The following BBS4 variants were observed in gnomAD, a reference collection of about 807,000 sequenced individuals.
BBS4 encodes BBSome complex member BBS4.
In BBS4, 58 loss-of-function variants were observed where a neutral mutation model predicts 71.4. The ratio of observed to expected loss-of-function variants is 0.81; its 90% CI spans 0.66 to 1.01. The LOEUF (loss-of-function observed/expected upper bound fraction) is 1.01, where lower values mean the gene tolerates loss of function less well. Ranked by LOEUF, BBS4 falls within the 50% of genes least tolerant of loss-of-function variation. The pLI is 0.00. For missense variants in BBS4, 660 were observed against 607.9 expected, an observed-to-expected ratio of 1.09 and a Z score of -0.90; for synonymous variants, 228 against 216.8, an observed-to-expected ratio of 1.05 and a Z score of -0.46.
chr15:72,724,540 T>C lies in BBS4; in HGVS notation c.472T>C (p.Leu158=), dbSNP rs1301518358. The C allele has an allele frequency of 2.5e-6, 4 of 1,613,930 alleles. No homozygotes were observed. The highest frequency in any genetic ancestry group is 1.7e-5 in the Admixed American group (1 of 60,004). ...LKQFNKAQDQ[L]HNALNLNRHD... ...TTAAACTTGTCAGGCACAAGACCAGTTGCACAATGCCCTGAATCTTAATAG... is the reference window on the plus strand; with the variant it reads ...TTAAACTTGTCAGGCACAAGACCAGCTGCACAATGCCCTGAATCTTAATAG... The change falls in exon 8 of 16, where the codon TTG becomes CTG. Residue 158 remains leucine (L), a synonymous_variant. Coordinates refer to ENST00000268057, the MANE Select transcript of BBS4 (RefSeq NM_033028.5).
At position 72,735,849 on chromosome 15, in the gene BBS4, C is replaced by A; in HGVS notation, c.1131C>A (p.Asn377Lys). The change falls in exon 14 of 16, where the codon AAC (asparagine) becomes AAA (lysine). Residue 377 changes from asparagine to lysine, a missense_variant. Transcript: ENST00000268057. ...GGTGTAACCCTTTAGTAAACCTGAA[C>A]TATGCTGTGCTGCTGTACAACCAGG... ...LDKCNPLVNL[N>K]YAVLLYNQGE... The A allele has an allele frequency of 6.2e-7, 1 of 1,614,178 alleles. No individual in the cohort carries two copies. Among genetic ancestry groups the A allele is most frequent in the Middle Eastern group, 1.6e-4 (1 of 6,062 alleles).
intron 10 of BBS4, among the ~76,000 whole-genome samples, 191 bp downstream of exon 10, chr15:72,729,875 G>A (rs1413167658): frequency 6.6e-6 from 1 of 152,184 alleles, no homozygotes; most frequent in East Asian, 1.9e-4. Flanking sequence ...TTCTAAAAGT[G>A]CACATTTGTT....
At chr15:72,726,115 C>T (rs1745407068) in intron 8 of BBS4, among the ~76,000 whole-genome samples, 1 of 134,164 alleles carries the variant, frequency 7.5e-6, no homozygotes, top group East Asian at 2.0e-4. Context: ...TCCTTTCTTT[C>T]CTTCCTTTCA....
chr15:72,702,004 AT>A (rs773147738), intron 2 of BBS4, among the ~76,000 whole-genome samples: 333 of 141,844 alleles, frequency 2.3e-3, no homozygotes, highest in Middle Eastern at 3.6e-3. Flanking sequence ...GGCCCAGCTA[AT>A]TTTTTTTTTT....
chr15:72,717,199 T>C (rs1210452809), intron 6 of BBS4: 2 of 257,226 alleles, frequency 7.8e-6, no homozygotes, highest in African/African-American at 4.6e-5. Flanking sequence ...CCCATCTGTG[T>C]GACATTCAAT....
chr15:72,708,281 T>C (rs997247029), intron 2 of BBS4, among the ~76,000 whole-genome samples: 1 of 152,180 alleles, frequency 6.6e-6, no homozygotes, highest in Non-Finnish European at 1.5e-5. Context: ...TGATATTAAC[T>C]ATCTTATATG....
rs1445379124 is a variant in BBS4 at position 72,724,522 on chromosome 15, T to C, written c.460-6T>C. ...TTGGTTTTCTTTATTTTGTTAAACT[T>C]GTCAGGCACAAGACCAGTTGCACAA... On this transcript the variant is annotated splice_region_variant and splice_polypyrimidine_tract_variant and intron_variant, in intron 7 of 15. Coordinates refer to ENST00000268057, the MANE Select transcript of BBS4 (RefSeq NM_033028.5). 1.9e-6 allele frequency: 3 copies of C among 1,613,714 alleles called. No individual in the cohort carries two copies. Among genetic ancestry groups the C allele is most frequent in the Non-Finnish European group, 2.5e-6 (3 of 1,179,800 alleles).
At chr15:72,709,528 A>T (rs964134929) in intron 2 of BBS4, among the ~76,000 whole-genome samples, 172 bp from the exon 3 acceptor site, 1 of 152,060 alleles carries the variant, frequency 6.6e-6, no homozygotes, top group Non-Finnish European at 1.5e-5. Context: ...CAAGTATCTT[A>T]GTTTAATAGT....
chr15:72,709,663 G>C, intron 2 of BBS4, 37 bp from the exon 3 acceptor site: 1 of 1,453,662 alleles, frequency 6.9e-7, no homozygotes, highest in African/African-American at 1.4e-5. Context: ...AAAATCTAAT[G>C]ACTGTGTTGT....
intron 7 of BBS4, among the ~76,000 whole-genome samples, 187 bp from the exon 8 acceptor site, chr15:72,724,341 T>C (rs1024438834): frequency 1.3e-5 from 2 of 152,222 alleles, no homozygotes; most frequent in African/African-American, 2.4e-5. Context: ...AGATATCCCA[T>C]GTTGCCAGCT....
intron 8 of BBS4, 106 bp downstream of exon 8, chr15:72,724,761 G>T: frequency 6.9e-7 from 1 of 1,445,426 alleles, no homozygotes; most frequent in Non-Finnish European, 9.5e-7. Flanking sequence ...ATTACTTACT[G>T]TATGAGTTAA....
At chr15:72,701,543 A>G (rs771828325) in intron 2 of BBS4, among the ~76,000 whole-genome samples, 1 of 152,130 alleles carries the variant, frequency 6.6e-6, no homozygotes, top group Non-Finnish European at 1.5e-5. Context: ...AATGCGGTCA[A>G]TATAATCCCC....
chr15:72,732,311 T>C (rs971704041), intron 12 of BBS4, among the ~76,000 whole-genome samples: 10 of 152,234 alleles, frequency 6.6e-5, no homozygotes, highest in East Asian at 5.8e-4. Flanking sequence ...GAGCATGTTA[T>C]ATAGAATGCC....
At chr15:72,688,046 C>CAAAAAAAAAAAAAAAAAAAAAAAAAAA (rs199931617) in intron 1 of BBS4, among the ~76,000 whole-genome samples, 1 of 84,890 alleles carries the variant, frequency 1.2e-5, no homozygotes, top group Non-Finnish European at 2.8e-5. Context: ...GACTCCGTCT[C>CAAAAAAAAAAAAAAAAAAAAAAAAAAA]AAAAAAAAAA....
chr15:72,703,106 C>T (rs541822687), intron 2 of BBS4, among the ~76,000 whole-genome samples: 3 of 152,108 alleles, frequency 2.0e-5, no homozygotes, highest in East Asian at 1.9e-4. Flanking sequence ...CCATCGCGCC[C>T]GGCCGAGGAG....
At chr15:72,696,941 G>T (rs1473096818) in intron 2 of BBS4, among the ~76,000 whole-genome samples, 1 of 150,450 alleles carries the variant, frequency 6.6e-6, no homozygotes, top group South Asian at 2.1e-4. Context: ...TTGTTTGTTG[G>T]TTTGTTTTTG....
chr15:72,704,754 C>T (rs2065232859), intron 2 of BBS4, among the ~76,000 whole-genome samples: 1 of 152,040 alleles, frequency 6.6e-6, no homozygotes, highest in Admixed American at 6.6e-5. Flanking sequence ...GTGGCATGTG[C>T]CTGTAATCCC....
intron 1 of BBS4, among the ~76,000 whole-genome samples, chr15:72,686,999 C>T (rs761819510): frequency 9.9e-5 from 15 of 151,944 alleles, no homozygotes; most frequent in Middle Eastern, 6.3e-3. Context: ...GGCTGTTTTA[C>T]AACTTAGTTT....
intron 2 of BBS4, among the ~76,000 whole-genome samples, chr15:72,705,370 T>C (rs896818838): frequency 2.0e-5 from 3 of 152,228 alleles, no homozygotes; most frequent in Non-Finnish European, 2.9e-5. Context: ...TTGTGTACAC[T>C]GAAATGTTCT....
Sources: gnomAD v4.1 joint callset for allele counts (sites outside exome capture counted in the v4.1 genomes callset) on GRCh38, gnomAD v4.1.1 for gene constraint, MANE v1.5 for transcripts, NCBI Gene and HGNC (gene_info 2026-07-23, HGNC 2026-07-21) for gene names.